Variants in TOX observed in about 807,000 individuals in gnomAD.
The protein encoded by TOX is thymocyte selection-associated high mobility group box protein TOX.
TOX carries 11 observed loss-of-function variants against 53.7 expected under a neutral mutation model. The ratio of observed to expected loss-of-function variants is 0.20; its 90% CI spans 0.13 to 0.34. TOX has a LOEUF of 0.34. Ranked by LOEUF, TOX falls within the 10% of genes least tolerant of loss-of-function variation. The probability of loss-of-function intolerance (pLI) is 1.00; values close to 1 mark genes in which losing one functional copy is unlikely to be tolerated. For missense variants in TOX, 570 were observed against 664.6 expected, an observed-to-expected ratio of 0.86 and a Z score of 1.56; for synonymous variants, 225 against 245.3, an observed-to-expected ratio of 0.92 and a Z score of 0.77.
intron 1 of TOX, among the ~76,000 whole-genome samples, chr8:59,085,554 A>C (rs1804492351): frequency 6.6e-6 from 1 of 152,050 alleles, no homozygotes; most frequent in Non-Finnish European, 1.5e-5. Context: ...ACACTTGGCT[A>C]ATTTATTGAT....
intron 3 of TOX, among the ~76,000 whole-genome samples, chr8:58,854,567 T>A (rs958200471): frequency 6.6e-6 from 1 of 152,030 alleles, no homozygotes; most frequent in Non-Finnish European, 1.5e-5. Context: ...GAGTAAAGTA[T>A]CAATCTGGGT....
intron 3 of TOX, among the ~76,000 whole-genome samples, chr8:58,855,601 T>TAGC (rs1563371066): frequency 6.6e-6 from 1 of 152,140 alleles, no homozygotes; most frequent in Non-Finnish European, 1.5e-5. Flanking sequence ...TCACTTGCAA[T>TAGC]AGCTGCTTAA....
chr8:58,825,792 T>G (rs1241831170), intron 6 of TOX, among the ~76,000 whole-genome samples: 1 of 152,222 alleles, frequency 6.6e-6, no homozygotes, highest in Non-Finnish European at 1.5e-5. Flanking sequence ...ATGTAATACA[T>G]GCAGAAATGT....
chr8:59,101,649 CCTAAA>C (rs1465082998), intron 1 of TOX, among the ~76,000 whole-genome samples: 1 of 152,034 alleles, frequency 6.6e-6, no homozygotes, highest in Non-Finnish European at 1.5e-5. Context: ...TTTTTATATG[CCTAAA>C]CTGAGTTTTT....
At chr8:59,075,697 T>TCAG (rs1208081460) in intron 1 of TOX, among the ~76,000 whole-genome samples, 1 of 152,178 alleles carries the variant, frequency 6.6e-6, no homozygotes, top group Non-Finnish European at 1.5e-5. Context: ...GGTTTTGTAG[T>TCAG]CAGCAGCACA....
intron 1 of TOX, among the ~76,000 whole-genome samples, chr8:59,074,781 G>C (rs537522988): frequency 1.3e-5 from 2 of 152,130 alleles, no homozygotes; most frequent in Non-Finnish European, 2.9e-5. Context: ...CGACAGCAGC[G>C]TGGAAAAGAC....
chr8:59,113,520 T>C (rs1337968327), intron 1 of TOX, among the ~76,000 whole-genome samples: 2 of 152,176 alleles, frequency 1.3e-5, no homozygotes, highest in African/African-American at 2.4e-5. Context: ...ATCAGGTTAC[T>C]GCAAGAATGG....
chr8:58,864,259 G>C (rs138700645), intron 3 of TOX, among the ~76,000 whole-genome samples: 2 of 152,200 alleles, frequency 1.3e-5, no homozygotes, highest in African/African-American at 4.8e-5. Flanking sequence ...CTGACAGTTT[G>C]ATTTCTGTTT....
At chr8:58,991,570 G>T (rs1356285785) in intron 1 of TOX, 1 of 152,194 alleles carries the variant, frequency 6.6e-6, no homozygotes, top group Admixed American at 6.5e-5. Flanking sequence ...TTTAAAAAGT[G>T]TATCTTCTCC....
At chr8:58,870,227 A>G (rs934882606) in intron 3 of TOX, among the ~76,000 whole-genome samples, 3 of 152,202 alleles carry the variant, frequency 2.0e-5, no homozygotes, top group Non-Finnish European at 1.5e-5. Flanking sequence ...TATAGCAAGT[A>G]TGGAGGATAT....
chr8:58,844,857 T>C (rs1810697826), intron 4 of TOX, among the ~76,000 whole-genome samples: 2 of 152,132 alleles, frequency 1.3e-5, no homozygotes, highest in Non-Finnish European at 2.9e-5. Flanking sequence ...CAGATACACG[T>C]GCTTCATGTA....
chr8:59,048,821 A>C (rs192659302), intron 1 of TOX, among the ~76,000 whole-genome samples: 95 of 152,302 alleles, frequency 6.2e-4, no homozygotes, highest in Non-Finnish European at 1.2e-3. Flanking sequence ...GAAATATTAT[A>C]TTTTAAGTTA....
intron 1 of TOX, among the ~76,000 whole-genome samples, chr8:59,071,466 G>A (rs988661524): frequency 2.6e-5 from 4 of 152,176 alleles, no homozygotes; most frequent in Non-Finnish European, 5.9e-5. Context: ...AAGTTCCAAC[G>A]GCAGCTTGTT....
chr8:59,060,283 C>T (rs956270204), intron 1 of TOX, among the ~76,000 whole-genome samples: 3 of 152,202 alleles, frequency 2.0e-5, no homozygotes, highest in Non-Finnish European at 2.9e-5. Flanking sequence ...CGCAACTCTT[C>T]CTTTCTTCCT....
rs1234479262 is a variant in TOX, at chr8:58,815,380, G to A, written c.1350C>T (p.Pro450=). 4 of 1,612,054 alleles carry A rather than the reference G, an allele frequency of 2.5e-6. No homozygotes were observed. Among genetic ancestry groups the A allele is most frequent in the Non-Finnish European group, 3.4e-6 (4 of 1,179,126 alleles). The change falls in exon 7 of 9, where the codon CCC becomes CCT. Residue 450 remains proline (P), a synonymous_variant. Coordinates refer to ENST00000361421, the MANE Select transcript of TOX (RefSeq NM_014729.3). The stretch of plus-strand genomic sequence containing the variant: ...AGTGTAAGGCAGACTGGACCTGCAT[G>A]GGGAGCTGGTTCCCAAGGGGCTGCT... ...TMQQPLGNQL[P]MQVQSALHSP...
At chr8:58,898,024 T>A (rs1287206000) in intron 3 of TOX, among the ~76,000 whole-genome samples, 1 of 152,212 alleles carries the variant, frequency 6.6e-6, no homozygotes, top group East Asian at 1.9e-4. Context: ...ATTTTAAGAA[T>A]AAATTTGATA....
At chr8:58,874,222 G>C (rs1246148179) in intron 3 of TOX, among the ~76,000 whole-genome samples, 1 of 151,222 alleles carries the variant, frequency 6.6e-6, no homozygotes, top group Non-Finnish European at 1.5e-5. Context: ...CTGCCCTTTG[G>C]TAGATTTTTT....
chr8:58,962,024 C>T (rs1031284536), intron 1 of TOX, among the ~76,000 whole-genome samples: 6 of 152,136 alleles, frequency 3.9e-5, no homozygotes, highest in East Asian at 3.9e-4. Flanking sequence ...CAAACTAAAC[C>T]GAAGAAGTGG....
At chr8:58,994,228 G>A (rs6993957) in intron 1 of TOX, among the ~76,000 whole-genome samples, 5,862 of 152,116 alleles carry the variant, frequency 0.039, 272 homozygotes, top group African/African-American at 0.12. Flanking sequence ...GAGAGGAGAC[G>A]GACTCAGAGA....
Sources: gnomAD v4.1 joint callset for allele counts (sites outside exome capture counted in the v4.1 genomes callset) on GRCh38, gnomAD v4.1.1 for gene constraint, MANE v1.5 for transcripts, NCBI Gene and HGNC (gene_info 2026-07-23, HGNC 2026-07-21) for gene names.